The following TTC28 variants were observed in gnomAD, a reference collection of about 807,000 sequenced individuals.
The protein encoded by TTC28 is tetratricopeptide repeat protein 28.
TTC28 carries 61 observed loss-of-function variants against 198.0 expected under a neutral mutation model. The observed-to-expected ratio is 0.31, with a 90% confidence interval of 0.25 to 0.38. The LOEUF (loss-of-function observed/expected upper bound fraction) is 0.38. Ranked by LOEUF, TTC28 falls within the 10% of genes least tolerant of loss-of-function variation. TTC28 has a pLI of 1.00. For synonymous variants in TTC28, 1,171 were observed against 1,297.8 expected (o/e 0.90, Z 2.10); for missense variants, 2,678 against 3,164.0 (o/e 0.85, Z 3.69).
At chr22:28,220,035 C>A (rs1927731799) in intron 5 of TTC28, among the ~76,000 whole-genome samples, 1 of 152,142 alleles carries the variant, frequency 6.6e-6, no homozygotes, top group African/African-American at 2.4e-5. Context: ...GCTGCTGGAT[C>A]CCATCTGGTG....
chr22:28,286,844 T>C (rs2145752362), intron 5 of TTC28, among the ~76,000 whole-genome samples: 1 of 152,122 alleles, frequency 6.6e-6, no homozygotes, highest in Non-Finnish European at 1.5e-5. Context: ...AGAAATGATA[T>C]GCAATAGTTC....
intron 12 of TTC28, among the ~76,000 whole-genome samples, chr22:28,064,777 T>G (rs188470999): frequency 0.01 from 1,552 of 152,172 alleles, 29 homozygotes; most frequent in African/African-American, 0.035. Flanking sequence ...GACAGACATA[T>G]CAAATGAGTG....
chr22:28,025,238 T>C (rs752222095), intron 13 of TTC28, among the ~76,000 whole-genome samples: 2 of 152,276 alleles, frequency 1.3e-5, no homozygotes, highest in Non-Finnish European at 2.9e-5. Flanking sequence ...TTTGGTGCCG[T>C]AGAAACCTCA....
At chr22:28,593,527 C>T (rs906777569) in intron 2 of TTC28, among the ~76,000 whole-genome samples, 9 of 151,680 alleles carry the variant, frequency 5.9e-5, no homozygotes, top group East Asian at 2.0e-4. Context: ...GTAGGTGGAT[C>T]GATCAATCAA....
At chr22:28,512,695 C>T (rs1601491461) in intron 2 of TTC28, among the ~76,000 whole-genome samples, 3 of 152,144 alleles carry the variant, frequency 2.0e-5, no homozygotes, top group Admixed American at 2.0e-4. Flanking sequence ...AAACACTGCA[C>T]ATCTCACTTG....
rs1046660341 is a variant in TTC28 at position 27,980,464 on chromosome 22, T to G, written c.*1757A>C. On this transcript the variant is annotated 3_prime_UTR_variant, in exon 23 of 23. Transcript: ENST00000397906. Reference sequence around the variant, plus strand: ...AGGATGGAGCTCAGGAGAACACAGATTGGATAAATATTATCCTTTCTTCTT... The same window carrying G: ...AGGATGGAGCTCAGGAGAACACAGAGTGGATAAATATTATCCTTTCTTCTT... The G allele has an allele frequency of 6.6e-6, 1 of 152,268 alleles. No homozygotes were observed. The highest frequency in any genetic ancestry group is 1.5e-5 in the Non-Finnish European group (1 of 68,040). The allele number at this position is 152,268 out of a possible 1,614,324, so 9.4% of individuals were successfully genotyped here.
chr22:28,309,899 T>C (rs1403699787), intron 2 of TTC28, among the ~76,000 whole-genome samples: 1 of 152,116 alleles, frequency 6.6e-6, no homozygotes, highest in Non-Finnish European at 1.5e-5. Context: ...AAGAGAAATG[T>C]ACAGGGAGCT....
intron 13 of TTC28, among the ~76,000 whole-genome samples, chr22:28,022,979 G>A (rs1370917310): frequency 6.6e-6 from 1 of 152,174 alleles, no homozygotes; most frequent in African/African-American, 2.4e-5. Context: ...CTCCTTAATT[G>A]CCATGTGCCT....
At chr22:28,091,131 T>G (rs1279878601) in intron 12 of TTC28, among the ~76,000 whole-genome samples, 2 of 152,156 alleles carry the variant, frequency 1.3e-5, no homozygotes, top group African/African-American at 2.4e-5. Context: ...CTACCTTTGA[T>G]GAAGAGATGA....
chr22:28,314,881 A>AT, intron 2 of TTC28, among the ~76,000 whole-genome samples: 1 of 152,240 alleles, frequency 6.6e-6, no homozygotes, highest in South Asian at 2.1e-4. Flanking sequence ...TCTAAAAAAA[A>AT]GAAAAAAAAT....
intron 2 of TTC28, among the ~76,000 whole-genome samples, chr22:28,566,475 TGAG>T (rs1223657672): frequency 6.6e-6 from 1 of 152,184 alleles, no homozygotes; most frequent in Non-Finnish European, 1.5e-5. Context: ...CTACTGTAAC[TGAG>T]TAACAGGCTT....
chr22:28,132,448 C>T (rs1370499891), intron 6 of TTC28, among the ~76,000 whole-genome samples: 1 of 152,196 alleles, frequency 6.6e-6, no homozygotes, highest in Non-Finnish European at 1.5e-5. Context: ...CTCTTCTTGG[C>T]TCAGTATAAA....
chr22:28,523,266 A>G (rs1482658958), intron 2 of TTC28, among the ~76,000 whole-genome samples: 1 of 152,236 alleles, frequency 6.6e-6, no homozygotes, highest in African/African-American at 2.4e-5. Flanking sequence ...AGTCAGAGCA[A>G]TAATTTAATA....
At chr22:28,534,757 TTGTAGGGACATGGATGA>T (rs1212829326) in intron 2 of TTC28, among the ~76,000 whole-genome samples, 1 of 152,148 alleles carries the variant, frequency 6.6e-6, no homozygotes, top group African/African-American at 2.4e-5. Context: ...TTCATGTCCT[TTGTAGGGACATGGATGA>T]AGCTGGAAAC....
intron 5 of TTC28, among the ~76,000 whole-genome samples, chr22:28,274,879 T>A (rs1932311452): frequency 6.7e-6 from 1 of 149,164 alleles, no homozygotes; most frequent in African/African-American, 2.5e-5. Context: ...CTCAAGAGGC[T>A]GAGGCATAAG....
At chr22:28,598,509 CAAAAA>C (rs36035176) in intron 2 of TTC28, among the ~76,000 whole-genome samples, 1 of 52,666 alleles carries the variant, frequency 1.9e-5, no homozygotes, top group Non-Finnish European at 3.2e-5. Flanking sequence ...ACTACGTCTC[CAAAAA>C]AAAAAAAAAA....
chr22:28,226,175 G>A (rs977789930), intron 5 of TTC28, among the ~76,000 whole-genome samples: 1 of 152,134 alleles, frequency 6.6e-6, no homozygotes, highest in African/African-American at 2.4e-5. Flanking sequence ...AAACGGTTCG[G>A]TCATATGGTA....
intron 2 of TTC28, among the ~76,000 whole-genome samples, chr22:28,586,337 A>G (rs1278440133): frequency 2.6e-5 from 4 of 152,028 alleles, no homozygotes; most frequent in African/African-American, 9.7e-5. Context: ...TGTTTTAGTT[A>G]CATCTGTATT....
At chr22:28,597,775 C>T (rs547484371) in intron 2 of TTC28, among the ~76,000 whole-genome samples, 2 of 152,246 alleles carry the variant, frequency 1.3e-5, no homozygotes, top group South Asian at 2.1e-4. Flanking sequence ...AAAAAGATTA[C>T]TAAAATCCTC....
Sources: gnomAD v4.1 joint callset for allele counts (sites outside exome capture counted in the v4.1 genomes callset) on GRCh38, gnomAD v4.1.1 for gene constraint, MANE v1.5 for transcripts, NCBI Gene and HGNC (gene_info 2026-07-23, HGNC 2026-07-21) for gene names.